Variants in EMX1 observed in about 807,000 individuals in gnomAD.
EMX1 encodes the protein empty spiracles homeobox 1, also known as homeobox protein EMX1.
In EMX1, 10 loss-of-function variants were observed where a neutral mutation model predicts 20.1. The ratio of observed to expected loss-of-function variants is 0.50; its 90% CI spans 0.31 to 0.84. EMX1 has a LOEUF of 0.84. Among genes scored for constraint, EMX1 ranks in the 40% least tolerant of loss-of-function variants. The probability of loss-of-function intolerance (pLI) is 0.05; values close to 1 mark genes in which losing one functional copy is unlikely to be tolerated. For missense variants in EMX1, 424 were observed against 431.9 expected, an observed-to-expected ratio of 0.98 and a Z score of 0.16; for synonymous variants, 250 against 200.4, an observed-to-expected ratio of 1.25 and a Z score of -2.09.
In EMX1 at chr2:72,918,088, G is replaced by A. The variant is rs1573893835; in HGVS notation, c.236G>A (p.Arg79Gln). ...LAAAASEEPL[R>Q]PTALNYPHPS... is the part of the protein sequence containing the mutation. ...GCGGCCGCCTCCGAGGAACCGCTCC[G>A]GCCCACGGCGCTCAACTACCCTCAC... The change falls in exon 1 of 3, where the codon CGG becomes CAG. Residue 79 changes from arginine (R) to glutamine (Q), a missense_variant. Arg to Gln is a conservative substitution (Grantham distance 43, BLOSUM62 1). This residue lies in a region of EMX1 where 333 missense variants were observed against 296.6 expected (regional missense o/e 1.12). Coordinates refer to ENST00000258106, the MANE Select transcript of EMX1 (RefSeq NM_004097.3). 3 of 1,442,914 alleles carry A rather than the reference G, an allele frequency of 2.1e-6. No homozygotes were observed. The highest frequency in any genetic ancestry group is 2.7e-6 in the Non-Finnish European group (3 of 1,107,654). 89.4% of individuals were successfully genotyped at this position (1,442,914 alleles called of 1,614,324 possible).
intron 1 of EMX1, among the ~76,000 whole-genome samples, chr2:72,921,015 C>T (rs1459068825): frequency 6.6e-6 from 1 of 152,176 alleles, no homozygotes; most frequent in African/African-American, 2.4e-5. Flanking sequence ...CCTGCCTCTC[C>T]CTCTCCTAGC....
rs1269283745 is a variant in EMX1, at chr2:72,934,846, A to T, written c.*892A>T. 1.3e-5 allele frequency: 2 copies of T among 152,188 alleles called. No individual in the cohort carries two copies. Among genetic ancestry groups the T allele is most frequent in the Non-Finnish European group, 1.5e-5 (1 of 68,052 alleles). The allele number at this position is 152,188 out of a possible 1,614,324, so 9.4% of individuals were successfully genotyped here. On this transcript the variant is annotated 3_prime_UTR_variant, in exon 3 of 3. Coordinates refer to ENST00000258106, the MANE Select transcript of EMX1 (RefSeq NM_004097.3). ...GAACCGCTGGGCAGGTTGAGACTGC[A>T]GAGACAGGGCTTAAGGCTGAGCCTG... is the stretch of plus-strand genomic sequence containing the variant.
At chr2:72,925,392 A>G (rs932341503) in intron 2 of EMX1, 1 of 1,241,260 alleles carries the variant, frequency 8.1e-7, no homozygotes, top group Admixed American at 2.6e-5. Flanking sequence ...ACTTTGCCAT[A>G]AATAAATGCT....
chr2:72,924,793 T>A (rs1671166679), intron 2 of EMX1, among the ~76,000 whole-genome samples: 1 of 152,174 alleles, frequency 6.6e-6, no homozygotes, highest in Non-Finnish European at 1.5e-5. Context: ...CCAGGTTCCC[T>A]GGAGGAAGCG....
chr2:72,933,733 C>A, intron 2 of EMX1, 54 bp from the exon 3 acceptor site: 1 of 1,596,646 alleles, frequency 6.3e-7, no homozygotes, highest in South Asian at 1.1e-5. Context: ...GCCCCAGTGG[C>A]TGCTCTGGGG....
At chr2:72,925,373 T>C in intron 2 of EMX1, 1 of 1,221,780 alleles carries the variant, frequency 8.2e-7, no homozygotes, top group Non-Finnish European at 1.1e-6. Context: ...TTGGGTTCAT[T>C]GTAAGTAGAC....
At position 72,934,124 on chromosome 2, in the gene EMX1, A is replaced by T; in HGVS notation, c.*170A>T. On this transcript the variant is annotated 3_prime_UTR_variant, in exon 3 of 3. Transcript: ENST00000258106. ...GCCGCCATTGACAGAGGGACAAGCA[A>T]TGGGCTGGCTGAGGCCTGGGACCAC... 4.9e-5 allele frequency: 46 copies of T among 936,314 alleles called. No individual in the cohort carries two copies. Among genetic ancestry groups the T allele is most frequent in the East Asian group, 1.5e-4 (5 of 32,310 alleles). The allele number at this position is 936,314 out of a possible 1,614,324, so 58.0% of individuals were successfully genotyped here.
chr2:72,920,093 C>T (rs1261731763), intron 1 of EMX1, among the ~76,000 whole-genome samples: 2 of 152,156 alleles, frequency 1.3e-5, no homozygotes, highest in East Asian at 1.9e-4. Context: ...TCAGCTTGTC[C>T]GGAGTCGGCA....
chr2:72,924,660 C>G (rs1241180787), intron 2 of EMX1, among the ~76,000 whole-genome samples, 167 bp downstream of exon 2: 3 of 152,242 alleles, frequency 2.0e-5, no homozygotes, highest in Non-Finnish European at 4.4e-5. Context: ...GAGCCTCTTC[C>G]TCGAGACTGC....
intron 2 of EMX1, among the ~76,000 whole-genome samples, chr2:72,931,004 A>G (rs950279663): frequency 6.6e-6 from 1 of 152,160 alleles, no homozygotes; most frequent in African/African-American, 2.4e-5. Flanking sequence ...CTATGAAGTC[A>G]TAAGCACTAC....
upstream of EMX1, chr2:72,917,096 C>A (rs1489105440): frequency 1.6e-6 from 1 of 623,218 alleles, no homozygotes; most frequent in African/African-American, 1.8e-5. Context: ...AGCAGGGGGG[C>A]AGAGAGCTGG....
intron 2 of EMX1, among the ~76,000 whole-genome samples, chr2:72,931,436 C>T (rs935450569): frequency 3.3e-5 from 5 of 152,250 alleles, no homozygotes; most frequent in Admixed American, 3.3e-4. Context: ...CCCACTTGGG[C>T]TTCTCAGGAA....
At chr2:72,916,734 G>T, upstream of EMX1, 1 of 717,388 alleles carries the variant, frequency 1.4e-6, no homozygotes, top group Non-Finnish European at 2.6e-6. Flanking sequence ...GTGTCTCCGA[G>T]GCCCTGACCT....
intron 1 of EMX1, among the ~76,000 whole-genome samples, 162 bp downstream of exon 1, chr2:72,918,534 C>T (rs1052933643): frequency 6.6e-6 from 1 of 152,272 alleles, no homozygotes; most frequent in African/African-American, 2.4e-5. Context: ...GTGCGGCATC[C>T]ACCCGCGCCT....
upstream of EMX1, chr2:72,917,174 A>G (rs1236303743): frequency 1.6e-6 from 1 of 609,204 alleles, no homozygotes. Flanking sequence ...TTCTCTGAGA[A>G]CTGAAACGAC....
intron 1 of EMX1, among the ~76,000 whole-genome samples, chr2:72,920,572 C>T (rs1413985149): frequency 6.6e-6 from 1 of 152,202 alleles, no homozygotes; most frequent in East Asian, 1.9e-4. Context: ...GCCGCGTTTT[C>T]TAGAGAACCG....
At chr2:72,916,971 C>T (rs1670975365), upstream of EMX1, 1 of 716,194 alleles carries the variant, frequency 1.4e-6, no homozygotes. Flanking sequence ...GTGAGCGTCC[C>T]CTTTCCAGAG....
chr2:72,932,403 C>T (rs1203300385), intron 2 of EMX1, among the ~76,000 whole-genome samples: 3 of 152,208 alleles, frequency 2.0e-5, no homozygotes. Context: ...AGGACTGAAG[C>T]CCAGAGGGGG....
At position 72,925,509 on chromosome 2, in the gene EMX1, T is replaced by C. The variant is rs1394742712; in HGVS notation, c.705+1016T>C. 3 of 1,288,496 alleles carry C rather than the reference T, an allele frequency of 2.3e-6. No individual in the cohort carries two copies. In the East Asian group the frequency reaches 1.7e-4, roughly 72 times the overall value. The allele number at this position is 1,288,496 out of a possible 1,614,324, so 79.8% of individuals were successfully genotyped here. On this transcript the variant is annotated intron_variant, in intron 2 of 2. Coordinates refer to ENST00000258106, the MANE Select transcript of EMX1 (RefSeq NM_004097.3). ...TGCCCTGGAGGTGGATTTCAGTCTC[T>C]GCGTGCCGGCCGGCTCCCAGAGTTG...
Sources: allele counts gnomAD v4.1 joint callset (sites outside exome capture counted in the v4.1 genomes callset), GRCh38; gene constraint gnomAD v4.1.1; regional missense constraint gnomAD v4.1.1; transcripts MANE v1.5; gene names NCBI Gene and HGNC (gene_info 2026-07-23, HGNC 2026-07-21).